Variants in ADCY9 observed in about 807,000 individuals in gnomAD.
The protein encoded by ADCY9 is adenylate cyclase type 9.
A neutral mutation model predicts 101.5 loss-of-function variants in ADCY9; 50 were observed. The observed-to-expected ratio is 0.49, with a 90% CI of 0.39 to 0.62. The LOEUF (loss-of-function observed/expected upper bound fraction) is 0.62. ADCY9 is among the 20% of genes least tolerant of loss of function. ADCY9 has a pLI of 0.00. For synonymous variants in ADCY9, 905 were observed against 769.3 expected, an observed-to-expected ratio of 1.18 and a Z score of -2.92; for missense variants, 1,662 against 1,800.4, an observed-to-expected ratio of 0.92 and a Z score of 1.39.
At chr16:4,061,115 T>C (rs932970992) in intron 2 of ADCY9, among the ~76,000 whole-genome samples, 4 of 150,830 alleles carry the variant, frequency 2.7e-5, no homozygotes, top group Non-Finnish European at 5.9e-5. Flanking sequence ...AACAACAGAG[T>C]TGACATGGGA....
intron 2 of ADCY9, among the ~76,000 whole-genome samples, chr16:4,042,323 C>G (rs1289855615): frequency 2.0e-5 from 3 of 152,124 alleles, no homozygotes; most frequent in Admixed American, 2.0e-4. Context: ...CGCTTGGCCT[C>G]TCAAAGTGCT....
chr16:4,002,280 A>G (rs962536997), intron 3 of ADCY9, among the ~76,000 whole-genome samples: 1 of 152,194 alleles, frequency 6.6e-6, no homozygotes, highest in Admixed American at 6.5e-5. Context: ...TTCAATTTCT[A>G]TAACGAATGA....
chr16:3,993,252 G>C (rs182787452), intron 4 of ADCY9, 154 bp downstream of exon 4: 2 of 1,352,692 alleles, frequency 1.5e-6, no homozygotes, highest in East Asian at 2.6e-5. Context: ...GCTCCCTGCC[G>C]GTCTCTTCAA....
At chr16:4,103,552 G>A (rs964255085) in intron 2 of ADCY9, among the ~76,000 whole-genome samples, 28 of 152,174 alleles carry the variant, frequency 1.8e-4, no homozygotes, top group Admixed American at 1.8e-3. Context: ...CTGATGGGCC[G>A]GGCATAGTGG....
rs773239991 is a variant in ADCY9 at position 3,993,362 on chromosome 16, GC to G, written c.1989+43del. 23 of 1,604,646 alleles carry G rather than the reference GC, an allele frequency of 1.4e-5. 1 individual carries two copies. In the African/African-American group the frequency reaches 2.8e-4, roughly 20 times the overall value. On this transcript the variant is annotated intron_variant, in intron 4 of 10. Coordinates refer to ENST00000294016, the MANE Select transcript of ADCY9 (RefSeq NM_001116.4). ...CAGGAATGTCACCTTGGGTGGATGC[GC>G]CAGGAGAGGAACTGACAGGAACAAC...
intron 3 of ADCY9, among the ~76,000 whole-genome samples, chr16:3,996,326 C>T (rs930641322): frequency 2.6e-5 from 4 of 152,208 alleles, no homozygotes; most frequent in African/African-American, 9.6e-5. Context: ...TGTGCCACTG[C>T]ACTCCAGCGT....
At chr16:3,985,807 G>GTCCC (rs2056187378) in intron 6 of ADCY9, among the ~76,000 whole-genome samples, 1 of 152,066 alleles carries the variant, frequency 6.6e-6, no homozygotes, top group Admixed American at 6.5e-5. Flanking sequence ...CTACTTGCCA[G>GTCCC]AGACACCTGT....
chr16:3,983,503 A>G, intron 6 of ADCY9, 63 bp from the exon 7 acceptor site: 1 of 1,403,742 alleles, frequency 7.1e-7, no homozygotes, highest in Non-Finnish European at 9.9e-7. Context: ...AGCGCAGTTC[A>G]GATGGAGAAA....
intron 2 of ADCY9, among the ~76,000 whole-genome samples, chr16:4,052,399 A>G (rs1014389190): frequency 2.0e-5 from 3 of 152,176 alleles, no homozygotes; most frequent in Non-Finnish European, 1.5e-5. Flanking sequence ...AAACCCACAC[A>G]GGAGAATCTA....
At chr16:4,054,806 A>T (rs2056726302) in intron 2 of ADCY9, among the ~76,000 whole-genome samples, 2 of 152,046 alleles carry the variant, frequency 1.3e-5, no homozygotes, top group Non-Finnish European at 2.9e-5. Context: ...TGACCTCGTG[A>T]TCCACCTGCC....
chr16:3,992,134 C>T lies in ADCY9; in HGVS notation c.2207+12G>A, dbSNP rs2056249412. 6.2e-7 allele frequency: 1 copy of T among 1,612,888 alleles called. No homozygotes were observed. The highest frequency in any genetic ancestry group is 1.3e-5 in the African/African-American group (1 of 74,896). ...GCAACCTTTGCTTTTTCCCAGACAG[C>T]CCCAGTCGTACCTGTCTTCTTTGAT... On this transcript the variant is annotated intron_variant, in intron 5 of 10. Transcript: ENST00000294016. The surrounding 1 kb of genome is among the most constrained non-coding windows in gnomAD (Gnocchi z 4.2).
Position 4,114,903 on chromosome 16 carries a change from G to C in ADCY9, c.540C>G (p.Thr180=). The stretch of plus-strand genomic sequence containing the variant: ...CCAGGGTCAGGGCGAACACCAGCAG[G>C]GTGAGAGCCAGCGAGGTCCACGCGT... The part of the protein sequence containing the change: ...RHYAWTSLAL[T]LLVFALTLAA... The change falls in exon 2 of 11, where the codon ACC becomes ACG. Residue 180 remains threonine, a synonymous_variant. Transcript: ENST00000294016. This position sits in a 1 kb window ranked among gnomAD's most constrained non-coding sequence, Gnocchi z 4.3. 6.2e-7 allele frequency: 1 copy of C among 1,613,866 alleles called. No individual in the cohort carries two copies. Among genetic ancestry groups the C allele is most frequent in the Non-Finnish European group, 8.5e-7 (1 of 1,180,034 alleles).
chr16:4,011,693 G>A (rs1202752127), intron 2 of ADCY9, among the ~76,000 whole-genome samples: 1 of 152,134 alleles, frequency 6.6e-6, no homozygotes, highest in Non-Finnish European at 1.5e-5. Flanking sequence ...TCTCTAAGGG[G>A]AGGGCAGGAG....
chr16:4,098,162 G>C (rs536958272), intron 2 of ADCY9, among the ~76,000 whole-genome samples: 1 of 152,152 alleles, frequency 6.6e-6, no homozygotes, highest in African/African-American at 2.4e-5. Flanking sequence ...GGGGTTTGCT[G>C]GGCTGGGGGA....
At chr16:4,005,940 A>G (rs558334671) in intron 3 of ADCY9, among the ~76,000 whole-genome samples, 97 of 152,142 alleles carry the variant, frequency 6.4e-4, no homozygotes, top group Non-Finnish European at 1.3e-3. Flanking sequence ...TCCGCTGTCT[A>G]GGAGCCCAGA....
intron 2 of ADCY9, among the ~76,000 whole-genome samples, chr16:4,102,239 GAGACACCATCATTCCTAT>G (rs2057047893): frequency 6.6e-6 from 1 of 152,078 alleles, no homozygotes; most frequent in Admixed American, 6.6e-5. Flanking sequence ...CCCTCTGACA[GAGACACCATCATTCCTAT>G]AAATTGCAGC....
chr16:4,040,079 C>A (rs1485514117), intron 2 of ADCY9, among the ~76,000 whole-genome samples: 2 of 152,080 alleles, frequency 1.3e-5, no homozygotes, highest in African/African-American at 4.8e-5. Flanking sequence ...GAAGAGAAGA[C>A]CATTGAGCTT....
Position 4,115,177 on chromosome 16 carries a change from C to A in ADCY9, c.266G>T (p.Arg89Leu). 1 of 1,613,762 alleles carries A rather than the reference C, an allele frequency of 6.2e-7. No individual in the cohort carries two copies. Reference sequence around the variant, plus strand: ...CGAGTCGAACTTGGGGTCCCACCAGCGGCTGGAGGCCCTCTCGAACAGCTG... The same window carrying A: ...CGAGTCGAACTTGGGGTCCCACCAGAGGCTGGAGGCCCTCTCGAACAGCTG... Reference protein sequence around the residue: ...LPQLFERASSRWWDPKFDSVN... With the variant: ...LPQLFERASSLWWDPKFDSVN... Residue 89 changes from arginine (R) to leucine (L), a missense_variant, in exon 2 of 11, where the codon CGC becomes CTC. Arg to Leu is a moderately radical substitution (Grantham distance 102). Coordinates refer to ENST00000294016, the MANE Select transcript of ADCY9 (RefSeq NM_001116.4). This position sits in a 1 kb window ranked among gnomAD's most constrained non-coding sequence, Gnocchi z 6.2.
At chr16:4,101,481 G>A (rs1308761990) in intron 2 of ADCY9, among the ~76,000 whole-genome samples, 1 of 152,042 alleles carries the variant, frequency 6.6e-6, no homozygotes, top group Admixed American at 6.6e-5. Flanking sequence ...GTCTCACTAT[G>A]TTGCCCAGAC....
Sources: gnomAD v4.1 joint callset for allele counts (sites outside exome capture counted in the v4.1 genomes callset) on GRCh38, gnomAD v4.1.1 for gene constraint, Gnocchi (gnomAD v3.1) non-coding constraint, MANE v1.5 for transcripts, NCBI Gene and HGNC (gene_info 2026-07-23, HGNC 2026-07-21) for gene names.